LINGO2: variants seen among roughly 807,000 people sequenced by gnomAD.
LINGO2 encodes leucine-rich repeat and immunoglobulin-like domain-containing nogo receptor-interacting protein 2.
Under a neutral mutation model 30.6 loss-of-function variants are expected in LINGO2, and 14 were observed. That is an observed-to-expected ratio of 0.46 (90% confidence interval 0.30 to 0.72). LINGO2 has a LOEUF of 0.72. Ranked by LOEUF, LINGO2 falls within the 30% of genes least tolerant of loss-of-function variation. LINGO2 has a pLI of 0.07. For missense variants in LINGO2, 729 were observed against 751.7 expected, an observed-to-expected ratio of 0.97 and a Z score of 0.35; for synonymous variants, 317 against 288.5, an observed-to-expected ratio of 1.10 and a Z score of -1.00.
rs554476157 is a variant in LINGO2, at chr9:28,470,705, T to C, written c.-279+5235A>G. Among the ~76,000 whole-genome samples the C allele has an allele frequency of 7.4e-4, 113 of 152,226 alleles. 1 individual carries two copies. The highest frequency in any genetic ancestry group is 2.5e-3 in the African/African-American group (102 of 41,536). On this transcript the variant is annotated intron_variant, in intron 2 of 5. Coordinates refer to ENST00000379992, the Ensembl canonical transcript of LINGO2. ...TGTGATTCTACTGTCATAAGATAGG[T>C]TGGTACCCAATGAAACAGGACAAAA...
At chr9:28,341,621 A>T (rs1192691171) in intron 3 of LINGO2, among the ~76,000 whole-genome samples, 2 of 152,216 alleles carry the variant, frequency 1.3e-5, no homozygotes, top group Non-Finnish European at 2.9e-5. Flanking sequence ...AATACTCAGC[A>T]ACTAAATGGA....
intron 3 of LINGO2, among the ~76,000 whole-genome samples, chr9:28,366,783 AAAGT>A (rs1820694728): frequency 6.6e-6 from 1 of 152,094 alleles, no homozygotes; most frequent in Non-Finnish European, 1.5e-5. Flanking sequence ...TTATTTTATG[AAAGT>A]AATACAGATT....
At chr9:28,072,591 C>A (rs62556510) in intron 4 of LINGO2, among the ~76,000 whole-genome samples, 12,327 of 152,174 alleles carry the variant, frequency 0.081, 699 homozygotes, top group Middle Eastern at 0.17. Flanking sequence ...CAAAATATTC[C>A]ATTTCCTGAC....
chr9:28,757,313 C>T, the LINGO2 span, among the ~76,000 whole-genome samples: 16 of 151,976 alleles, frequency 1.1e-4, no homozygotes, highest in Admixed American at 9.8e-4. Flanking sequence ...TTCAGAACCT[C>T]TCATTGATTC....
At chr9:28,871,078 T>C in the LINGO2 span, among the ~76,000 whole-genome samples, 1 of 151,926 alleles carries the variant, frequency 6.6e-6, no homozygotes. Flanking sequence ...TGACAGATGA[T>C]GATTGTGGCA....
chr9:28,997,341 C>T, the LINGO2 span, among the ~76,000 whole-genome samples: 48 of 152,120 alleles, frequency 3.2e-4, 1 homozygote, highest in African/African-American at 1.2e-3. Flanking sequence ...AGTTGTTCAA[C>T]AAATATTACT....
intron 4 of LINGO2, among the ~76,000 whole-genome samples, chr9:28,075,774 A>G (rs1236707314): frequency 6.6e-6 from 1 of 151,912 alleles, no homozygotes; most frequent in East Asian, 1.9e-4. Context: ...ATTGATTTGA[A>G]GAAATTCTTT....
chr9:28,627,433 A>G (rs1030939414), intron 1 of LINGO2, among the ~76,000 whole-genome samples: 5 of 152,000 alleles, frequency 3.3e-5, no homozygotes, highest in African/African-American at 1.2e-4. Context: ...TGCTCTGCAA[A>G]TTCTACCTGA....
intron 5 of LINGO2, among the ~76,000 whole-genome samples, chr9:27,980,495 C>T (rs1400759229): frequency 1.3e-5 from 2 of 151,908 alleles, no homozygotes; most frequent in Non-Finnish European, 2.9e-5. Context: ...GAATATATTG[C>T]TATTGCCTTT....
chr9:28,840,010 A>AATGATG, the LINGO2 span, among the ~76,000 whole-genome samples: 2 of 149,432 alleles, frequency 1.3e-5, no homozygotes, highest in African/African-American at 5.1e-5. Context: ...AAGTGCAGGC[A>AATGATG]CACCCAACTG....
chr9:29,018,931 G>A, the LINGO2 span, among the ~76,000 whole-genome samples: 2 of 152,134 alleles, frequency 1.3e-5, no homozygotes, highest in African/African-American at 2.4e-5. Flanking sequence ...AAGACTTGAA[G>A]AAGCTCTTCT....
At chr9:28,021,120 G>A (rs922112432) in intron 4 of LINGO2, among the ~76,000 whole-genome samples, 2 of 151,756 alleles carry the variant, frequency 1.3e-5, no homozygotes, top group Non-Finnish European at 2.9e-5. Context: ...TATGGTGGAA[G>A]CTTAAATTAT....
intron 2 of LINGO2, among the ~76,000 whole-genome samples, chr9:28,455,142 A>T (rs898314334): frequency 5.9e-5 from 9 of 151,968 alleles, no homozygotes; most frequent in Non-Finnish European, 1.2e-4. Context: ...AAAAATCATC[A>T]TGCTTACCAC....
intron 3 of LINGO2, among the ~76,000 whole-genome samples, chr9:28,351,497 G>A (rs1447598224): frequency 6.6e-6 from 1 of 151,040 alleles, no homozygotes; most frequent in African/African-American, 2.4e-5. Context: ...CTGAAATTGT[G>A]GCAATAATCA....
chr9:27,956,467 T>C (rs894648744), intron 5 of LINGO2, among the ~76,000 whole-genome samples: 39 of 152,318 alleles, frequency 2.6e-4, no homozygotes, highest in African/African-American at 8.4e-4. Context: ...ATTAGATATA[T>C]GTATTGTGAA....
At chr9:28,691,269 T>C in the LINGO2 span, among the ~76,000 whole-genome samples, 2 of 152,184 alleles carry the variant, frequency 1.3e-5, no homozygotes, top group Admixed American at 1.3e-4. Context: ...TATCCTCAAA[T>C]TCTTAACATC....
At chr9:29,133,250 T>C in the LINGO2 span, among the ~76,000 whole-genome samples, 1 of 152,180 alleles carries the variant, frequency 6.6e-6, no homozygotes, top group Admixed American at 6.6e-5. Context: ...AATAAATTTT[T>C]CCGCATTCAT....
the LINGO2 span, among the ~76,000 whole-genome samples, chr9:29,019,029 C>G: frequency 5.9e-5 from 9 of 152,002 alleles, no homozygotes; most frequent in Non-Finnish European, 1.2e-4. Context: ...ATAAACGTAA[C>G]CTGAGAGGTA....
At chr9:28,780,828 TAA>T in the LINGO2 span, among the ~76,000 whole-genome samples, 6,536 of 139,354 alleles carry the variant, frequency 0.047, 330 homozygotes, top group East Asian at 0.24. Context: ...ATCTTGGTAG[TAA>T]TGTGTGTGTG....
Sources: allele counts gnomAD v4.1 joint callset (sites outside exome capture counted in the v4.1 genomes callset), GRCh38; gene constraint gnomAD v4.1.1; transcripts MANE v1.5; gene names NCBI Gene and HGNC (gene_info 2026-07-23, HGNC 2026-07-21).